PRDM16: variants seen among roughly 807,000 people sequenced by gnomAD.
PRDM16 encodes the protein histone-lysine N-methyltransferase PRDM16.
A neutral mutation model predicts 110.6 loss-of-function variants in PRDM16; 23 were observed. The observed-to-expected ratio is 0.21, with a 90% CI of 0.15 to 0.29. The LOEUF is 0.29. Ranked by LOEUF, PRDM16 falls within the 10% of genes least tolerant of loss-of-function variation. The pLI, the probability that PRDM16 is intolerant of heterozygous loss-of-function variation, is 1.00. For synonymous variants in PRDM16, 799 were observed against 781.8 expected (o/e 1.02, Z -0.37); for missense variants, 1,615 against 1,794.3 (o/e 0.90, Z 1.81).
chr1:3,267,982 C>T (rs1640335214), intron 3 of PRDM16, among the ~76,000 whole-genome samples: 1 of 152,242 alleles, frequency 6.6e-6, no homozygotes, highest in South Asian at 2.1e-4. Flanking sequence ...GATCTGCCTG[C>T]CGTTCGCAAG....
At chr1:3,242,867 T>C (rs572757710) in intron 2 of PRDM16, among the ~76,000 whole-genome samples, 185 of 152,378 alleles carry the variant, frequency 1.2e-3, no homozygotes, top group African/African-American at 4.3e-3. Context: ...TCTATTCTTA[T>C]GGAAACAACG....
In PRDM16 at chr1:3,425,177, A is replaced by G. The variant is rs1321672402; in HGVS notation, c.2940-404A>G. 6.5e-6 allele frequency: 1 copy of G among 154,000 alleles called. No homozygotes were observed. Among genetic ancestry groups the G allele is most frequent in the Admixed American group, 6.4e-5 (1 of 15,558 alleles). The allele number at this position is 154,000 out of a possible 1,614,324, so 9.5% of individuals were successfully genotyped here. ...ACTGCAAGCTCCGCCTCCCGGGTTCACGCCATTCTCCTGCCTCAGCCTCCA... is the reference window on the plus strand; with the variant it reads ...ACTGCAAGCTCCGCCTCCCGGGTTCGCGCCATTCTCCTGCCTCAGCCTCCA... On this transcript the variant is annotated intron_variant, in intron 12 of 16. Transcript: ENST00000270722. This position sits in a 1 kb window ranked among gnomAD's most constrained non-coding sequence, Gnocchi z 6.9.
intron 3 of PRDM16, among the ~76,000 whole-genome samples, chr1:3,314,993 T>G (rs1484492826): frequency 6.6e-6 from 1 of 152,186 alleles, no homozygotes; most frequent in Non-Finnish European, 1.5e-5. Context: ...ATGGATCGAC[T>G]GAGAGCATGG....
At chr1:3,376,250 G>C (rs777930356) in intron 3 of PRDM16, among the ~76,000 whole-genome samples, 1 of 152,156 alleles carries the variant, frequency 6.6e-6, no homozygotes, top group Non-Finnish European at 1.5e-5. Context: ...ATTTTCGAAG[G>C]TGTCTGTGGC....
intron 5 of PRDM16, among the ~76,000 whole-genome samples, chr1:3,400,326 C>G (rs1290513188): frequency 1.3e-5 from 2 of 152,228 alleles, no homozygotes; most frequent in African/African-American, 2.4e-5. Flanking sequence ...GAGGACAGGA[C>G]CTGCCACGTG....
In PRDM16 at chr1:3,417,244, A is replaced by C. The variant is rs926740707; in HGVS notation, c.2692-584A>C. ...TATTTCCTTTGTGGGTTTAAGTCTT[A>C]AAGAGGCTGTTGAATTCCTTAGTAC... On this transcript the variant is annotated intron_variant, in intron 10 of 16. Transcript: ENST00000270722. Among the ~76,000 whole-genome samples the C allele has an allele frequency of 3.9e-5, 6 of 152,234 alleles. No individual in the cohort carries two copies. In the East Asian group the frequency reaches 1.2e-3, roughly 29 times the overall value.
intron 1 of PRDM16, among the ~76,000 whole-genome samples, chr1:3,162,605 A>C (rs1264617263): frequency 1.3e-5 from 2 of 152,210 alleles, no homozygotes; most frequent in African/African-American, 4.8e-5. Flanking sequence ...CCAGGCTCCC[A>C]GGAAGTGAAT....
chr1:3,198,980 G>A (rs909357056), intron 2 of PRDM16, among the ~76,000 whole-genome samples: 2 of 152,166 alleles, frequency 1.3e-5, no homozygotes, highest in African/African-American at 2.4e-5. Context: ...ATTGTCTGTC[G>A]CGGCAGCAGC....
chr1:3,261,127 G>A (rs77619992), intron 3 of PRDM16, among the ~76,000 whole-genome samples: 128 of 139,372 alleles, frequency 9.2e-4, no homozygotes, highest in South Asian at 1.4e-3. Context: ...GCATTAACAA[G>A]AAAAAAAAAA....
chr1:3,085,122 G>C (rs1642120396), intron 1 of PRDM16, among the ~76,000 whole-genome samples: 1 of 152,176 alleles, frequency 6.6e-6, no homozygotes, highest in South Asian at 2.1e-4. Context: ...CCCCAGGCTG[G>C]TGCCCAGGAC....
chr1:3,342,377 G>A (rs1044187212), intron 3 of PRDM16, among the ~76,000 whole-genome samples: 2 of 152,224 alleles, frequency 1.3e-5, no homozygotes, highest in Admixed American at 6.5e-5. Context: ...TACTTCAGTG[G>A]CCCCTTCTGC....
intron 1 of PRDM16, among the ~76,000 whole-genome samples, chr1:3,129,431 A>C (rs1643288100): frequency 1.3e-5 from 2 of 148,510 alleles, no homozygotes; most frequent in Non-Finnish European, 3.0e-5. Context: ...GAGTGTGTGT[A>C]TCCTTCCTGG....
Position 3,260,253 on chromosome 1 carries a change from T to G in PRDM16, c.438+16116T>G, listed in dbSNP as rs12023701. 0.014 allele frequency among the ~76,000 whole-genome samples: 2,122 copies of G among 152,312 alleles called. 137 individuals are homozygous for G. In the East Asian group the frequency reaches 0.19, roughly 14 times the overall value. ...GCCCCAAGGACAGCTCCACAGGCCT[T>G]TGGGGTTTTACTCAGCTCTAACCCC... On this transcript the variant is annotated intron_variant, in intron 3 of 16. Coordinates refer to ENST00000270722, the MANE Select transcript of PRDM16 (RefSeq NM_022114.4).
chr1:3,274,645 C>T (rs75352835), intron 3 of PRDM16, among the ~76,000 whole-genome samples: 3,782 of 152,330 alleles, frequency 0.025, 163 homozygotes, highest in African/African-American at 0.085. Context: ...TCTGTCACGT[C>T]GGCTCCTGCC....
intron 12 of PRDM16, among the ~76,000 whole-genome samples, chr1:3,422,015 G>T (rs1638448307): frequency 6.7e-6 from 1 of 149,728 alleles, no homozygotes; most frequent in South Asian, 2.1e-4. Flanking sequence ...CAAACAGGCA[G>T]GAAGGCAGAC....
At chr1:3,430,508 G>A (rs375108447) in intron 14 of PRDM16, among the ~76,000 whole-genome samples, 14 of 152,170 alleles carry the variant, frequency 9.2e-5, no homozygotes, top group Admixed American at 3.3e-4. Context: ...GGTGCCCCTC[G>A]TGCACTGCCC....
intron 3 of PRDM16, among the ~76,000 whole-genome samples, chr1:3,279,377 C>A (rs749617954): frequency 6.6e-6 from 1 of 152,158 alleles, no homozygotes; most frequent in Non-Finnish European, 1.5e-5. Flanking sequence ...CCTCGCGGTG[C>A]CTCGGGGCAG....
At chr1:3,262,398 G>A (rs1640182403) in intron 3 of PRDM16, among the ~76,000 whole-genome samples, 4 of 152,238 alleles carry the variant, frequency 2.6e-5, no homozygotes, top group Admixed American at 2.0e-4. Context: ...AAGCCAGCCA[G>A]CGGGAAAAAT....
At chr1:3,164,992 G>A (rs1643934429) in intron 1 of PRDM16, among the ~76,000 whole-genome samples, 1 of 152,254 alleles carries the variant, frequency 6.6e-6, no homozygotes, top group Non-Finnish European at 1.5e-5. Context: ...GATCAGCCGT[G>A]TTCCAATGGT....
Sources: allele counts gnomAD v4.1 joint callset (sites outside exome capture counted in the v4.1 genomes callset), GRCh38; gene constraint gnomAD v4.1.1; non-coding constraint Gnocchi (gnomAD v3.1); transcripts MANE v1.5; gene names NCBI Gene and HGNC (gene_info 2026-07-23, HGNC 2026-07-21).